Variants in BRCA1 observed in about 807,000 individuals in gnomAD.
BRCA1 encodes the protein BRCA1 DNA repair associated, also known as breast cancer type 1 susceptibility protein.
Under a neutral mutation model 173.7 loss-of-function variants are expected in BRCA1, and 140 were observed. The observed-to-expected ratio is 0.81, with a 90% CI of 0.70 to 0.93. The LOEUF is 0.93. BRCA1 is among the 40% of genes least tolerant of loss of function. The pLI, the probability that BRCA1 is intolerant of heterozygous loss-of-function variation, is 0.00. For missense variants in BRCA1, 1,983 were observed against 2,172.5 expected (o/e 0.91, Z 1.73); for synonymous variants, 662 against 756.0 (o/e 0.88, Z 2.04).
intron 1 of BRCA1, among the ~76,000 whole-genome samples, chr17:43,130,856 A>G (rs1305296697): frequency 2.6e-5 from 4 of 152,152 alleles, no homozygotes; most frequent in Non-Finnish European, 5.9e-5. Flanking sequence ...CATACACACA[A>G]TTTGCTGTTC....
chr17:43,142,936 G>A (rs1330231708), intron 1 of BRCA1, among the ~76,000 whole-genome samples: 53 of 144,834 alleles, frequency 3.7e-4, no homozygotes, highest in Non-Finnish European at 5.4e-4. Flanking sequence ...GTGTGTGTGT[G>A]TGTGTATATA....
At chr17:43,130,473 C>T (rs1241336088), upstream of BRCA1, among the ~76,000 whole-genome samples, 1 of 152,104 alleles carries the variant, frequency 6.6e-6, no homozygotes, top group Non-Finnish European at 1.5e-5. Context: ...GCCACTACAC[C>T]CAGCTAATTT....
intron 6 of BRCA1, among the ~76,000 whole-genome samples, chr17:43,100,619 A>T (rs1314470975): frequency 3.9e-5 from 2 of 51,502 alleles, no homozygotes; most frequent in African/African-American, 2.2e-4. Flanking sequence ...CATATATATA[A>T]CATATATATA....
At chr17:43,100,687 A>ATATATATATAT (rs2054427956) in intron 6 of BRCA1, among the ~76,000 whole-genome samples, 3 of 83,248 alleles carry the variant, frequency 3.6e-5, no homozygotes, top group East Asian at 5.5e-4. Flanking sequence ...TAATATATAT[A>ATATATATATAT]TATATATATA....
At chr17:43,050,862 G>A (rs1183177135) in intron 20 of BRCA1, among the ~76,000 whole-genome samples, 1 of 152,192 alleles carries the variant, frequency 6.6e-6, no homozygotes, top group African/African-American at 2.4e-5. Flanking sequence ...ATGCTCTTGA[G>A]AAGGGGGACA....
intron 1 of BRCA1, chr17:43,142,582 C>T (rs912381351): frequency 2.0e-5 from 3 of 152,156 alleles, no homozygotes; most frequent in Admixed American, 2.0e-4. Context: ...GCCCTGTATC[C>T]TTATCTGTCA....
intron 1 of BRCA1, among the ~76,000 whole-genome samples, chr17:43,152,002 CATAA>C (rs1452635387): frequency 6.6e-5 from 10 of 152,200 alleles, no homozygotes; most frequent in Non-Finnish European, 1.0e-4. Context: ...TAAATATCAT[CATAA>C]ATAACACCCT....
intron 2 of BRCA1, 55 bp from the exon 3 acceptor site, chr17:43,115,834 A>G (rs763395672): frequency 7.9e-5 from 121 of 1,529,986 alleles, no homozygotes; most frequent in Admixed American, 7.5e-4. Context: ...TAATTTATTT[A>G]AAAATAAAGC....
chr17:43,046,881 T>C (rs1448855228), intron 22 of BRCA1, among the ~76,000 whole-genome samples: 1 of 151,792 alleles, frequency 6.6e-6, no homozygotes, highest in Non-Finnish European at 1.5e-5. Context: ...TGAACTTCAA[T>C]CTGTTAAAGG....
chr17:43,100,666 A>AT (rs1204558486), intron 6 of BRCA1, among the ~76,000 whole-genome samples: 346 of 3,512 alleles, frequency 0.099, 48 homozygotes, highest in African/African-American at 0.17. Flanking sequence ...ACATATATAT[A>AT]TATATATATA....
chr17:43,125,031 A>G, intron 1 of BRCA1: 1 of 417,834 alleles, frequency 2.4e-6, no homozygotes, highest in Non-Finnish European at 4.9e-6. Flanking sequence ...GGCATATTCC[A>G]GTTCCTATCA....
chr17:43,111,852 A>G (rs2154561384), intron 3 of BRCA1, among the ~76,000 whole-genome samples: 1 of 152,100 alleles, frequency 6.6e-6, no homozygotes, highest in Admixed American at 6.6e-5. Context: ...AAACAAACAA[A>G]CAAACAAAAA....
chr17:43,103,206 C>A (rs2054568268), intron 6 of BRCA1, among the ~76,000 whole-genome samples: 2 of 152,148 alleles, frequency 1.3e-5, no homozygotes, highest in Non-Finnish European at 2.9e-5. Context: ...GTGGCTCACG[C>A]CTGTAATCCC....
At chr17:43,120,270 T>C (rs1034904762) in intron 2 of BRCA1, among the ~76,000 whole-genome samples, 1 of 152,218 alleles carries the variant, frequency 6.6e-6, no homozygotes, top group Non-Finnish European at 1.5e-5. Flanking sequence ...AGAAGGAATT[T>C]TAGTTCAAGA....
At chr17:43,127,836 AAC>A (rs1311566360), upstream of BRCA1, among the ~76,000 whole-genome samples, 21 of 151,206 alleles carry the variant, frequency 1.4e-4, no homozygotes, top group African/African-American at 5.2e-4. Flanking sequence ...CATCCTGGCT[AAC>A]ACAGTGAAAC....
rs587781492 is a variant in BRCA1, at chr17:43,092,781, A to G, written c.2750T>C (p.Ile917Thr). ...EENQGKNESN[I>T]KPVQTVNITA... ...GATATTAACTGTCTGTACAGGCTTG[A>G]TATTAGACTCATTCTTTCCTTGATT... Residue 917 changes from isoleucine to threonine, a missense_variant, in exon 10 of 23, where the codon ATC becomes ACC. Ile to Thr is a moderately conservative substitution (Grantham distance 89, BLOSUM62 -1). Transcript: ENST00000357654. 2 of 1,613,934 alleles carry G rather than the reference A, an allele frequency of 1.2e-6. No individual in the cohort carries two copies. The highest frequency in any genetic ancestry group is 4.5e-5 in the East Asian group (2 of 44,898).
At position 43,069,872 on chromosome 17, in the gene BRCA1, C is replaced by A. The variant is rs1045892056; in HGVS notation, c.4986+1056G>T. On this transcript the variant is annotated intron_variant, in intron 15 of 22. Transcript: ENST00000357654. ...TGTGCAATAAATGGCACACCCACTA[C>A]TGAATCCATTTGATAATCTGGTATG... Among the ~76,000 whole-genome samples the A allele has an allele frequency of 1.6e-4, 24 of 152,304 alleles. 1 individual carries two copies. The highest frequency in any genetic ancestry group is 5.5e-4 in the African/African-American group (23 of 41,570).
chr17:43,118,596 T>C (rs1470365593), intron 2 of BRCA1, among the ~76,000 whole-genome samples: 2 of 152,056 alleles, frequency 1.3e-5, no homozygotes, highest in Non-Finnish European at 2.9e-5. Flanking sequence ...ATCTTTTTAA[T>C]TTTTAATGTT....
At position 43,142,194 on chromosome 17, in the gene BRCA1, G is replaced by A. The variant is rs533809298; in HGVS notation, c.-19-18079C>T. On this transcript the variant is annotated intron_variant, in intron 1 of 7. Coordinates refer to the BRCA1 transcript ENST00000634433. ...CTCCCAAAGTGCTGGAATTACAGGC[G>A]TGAGCCACTGTGCCCAGCCTAGTCT... Among the ~76,000 whole-genome samples the A allele has an allele frequency of 1.3e-4, 20 of 152,264 alleles. 1 individual carries two copies. The highest frequency in any genetic ancestry group is 1.1e-3 in the Admixed American group (17 of 15,294).
Sources: allele counts gnomAD v4.1 joint callset (sites outside exome capture counted in the v4.1 genomes callset), GRCh38; gene constraint gnomAD v4.1.1; transcripts MANE v1.5; gene names NCBI Gene and HGNC (gene_info 2026-07-23, HGNC 2026-07-21).